The following AP2M1 variants were observed in gnomAD, a reference collection of about 807,000 sequenced individuals.
The protein encoded by AP2M1 is AP-2 complex subunit mu.
AP2M1 carries 5 observed loss-of-function variants against 54.5 expected under a neutral mutation model. The ratio of observed to expected loss-of-function variants is 0.09; its 90% confidence interval spans 0.05 to 0.19. AP2M1 has a LOEUF of 0.19. Ranked by LOEUF, AP2M1 falls within the 10% of genes least tolerant of loss-of-function variation. The pLI, the probability that AP2M1 is intolerant of heterozygous loss-of-function variation, is 1.00. For missense variants in AP2M1, 178 were observed against 580.2 expected (o/e 0.31, Z 7.12); for synonymous variants, 186 against 208.2 (o/e 0.89, Z 0.92).
chr3:184,182,446 T>G lies in AP2M1; in HGVS notation c.1061+198T>G, dbSNP rs1482336420. The G allele has an allele frequency of 5.2e-5, 32 of 616,246 alleles. No individual in the cohort carries two copies. Among genetic ancestry groups the G allele is most frequent in the South Asian group, 1.7e-4 (8 of 47,958 alleles). The allele number at this position is 616,246 out of a possible 1,614,324, so 38.2% of individuals were successfully genotyped here. ...CATTTGGGTTCATGCACGTGCTTATTTTTTAAGATGCTTTGGCATTTCCCT... is the reference window on the plus strand; with the variant it reads ...CATTTGGGTTCATGCACGTGCTTATGTTTTAAGATGCTTTGGCATTTCCCT... On this transcript the variant is annotated intron_variant, in intron 10 of 11. Transcript: ENST00000292807. The surrounding 1 kb of genome is among the most constrained non-coding windows in gnomAD (Gnocchi z 5.5).
chr3:184,179,682 A>G (rs1403844329), intron 3 of AP2M1, among the ~76,000 whole-genome samples: 2 of 126,444 alleles, frequency 1.6e-5, no homozygotes, highest in Non-Finnish European at 3.5e-5. Context: ...TTTTTTTGAG[A>G]CAGGGTCTTG....
intron 3 of AP2M1, among the ~76,000 whole-genome samples, chr3:184,179,858 G>A (rs920281359): frequency 1.3e-5 from 2 of 151,956 alleles, no homozygotes; most frequent in East Asian, 1.9e-4. Context: ...GCTGGGTCTC[G>A]CTATGTTGCC....
rs552907725 is a variant in AP2M1, at chr3:184,175,124, G to A, written c.-44+165G>A. The stretch of plus-strand genomic sequence containing the variant: ...AGCTAGCTGACGGTGGGGCGGGGGC[G>A]CCCGGGGCGCGATTGCAGGGCTGGC... On this transcript the variant is annotated intron_variant, in intron 1 of 11. Coordinates refer to ENST00000292807, the MANE Select transcript of AP2M1 (RefSeq NM_004068.4). The A allele has an allele frequency of 1.0e-5, 4 of 395,654 alleles. No individual in the cohort carries two copies. The South Asian group carries it at 4.1e-4, about 41-fold the overall frequency. The allele number at this position is 395,654 out of a possible 1,614,324, so 24.5% of individuals were successfully genotyped here.
Position 184,181,646 on chromosome 3 carries a change from C to T in AP2M1, c.708-50C>T, listed in dbSNP as rs908158889. The T allele has an allele frequency of 1.9e-6, 3 of 1,603,752 alleles. No homozygotes were observed. In the African/African-American group the frequency reaches 4.0e-5, roughly 21 times the overall value. ...GGGGTGGAGTGGTCTCCCAGCATGA[C>T]AGCTGTCATTCTCCTGTACCAATGA... On this transcript the variant is annotated intron_variant, in intron 7 of 11. Transcript: ENST00000292807. The surrounding 1 kb of genome is among the most constrained non-coding windows in gnomAD (Gnocchi z 5.7).
Position 184,182,955 on chromosome 3 carries a change from G to C in AP2M1, c.1173+87G>C, listed in dbSNP as rs994118879. On this transcript the variant is annotated intron_variant, in intron 11 of 11. Coordinates refer to ENST00000292807, the MANE Select transcript of AP2M1 (RefSeq NM_004068.4). The surrounding 1 kb of genome is among the most constrained non-coding windows in gnomAD (Gnocchi z 5.5). ...TTCCGATAAACTGCTGCACCTTAGA[G>C]GTGAGGAAACTGAGGCCTAGAAAGA... 8.7e-7 allele frequency: 1 copy of C among 1,154,620 alleles called. No homozygotes were observed. Among genetic ancestry groups the C allele is most frequent in the African/African-American group, 1.5e-5 (1 of 65,518 alleles). The allele number at this position is 1,154,620 out of a possible 1,614,324, so 71.5% of individuals were successfully genotyped here.
rs1284347376 is a variant in AP2M1 at position 184,178,077 on chromosome 3, C to T, written c.75-780C>T. The T allele has an allele frequency of 9.1e-7, 1 of 1,104,576 alleles. No individual in the cohort carries two copies. Among genetic ancestry groups the T allele is most frequent in the African/African-American group, 1.5e-5 (1 of 64,554 alleles). 68.4% of individuals were successfully genotyped at this position (1,104,576 alleles called of 1,614,324 possible). On this transcript the variant is annotated intron_variant, in intron 2 of 11. Transcript: ENST00000292807. The surrounding 1 kb of genome is among the most constrained non-coding windows in gnomAD (Gnocchi z 4.9). ...AAGCCAAGGCCAGGTCACACGCCGC[C>T]TTGCCTGTCTTGTCTGCTTCTGCCT...
Position 184,183,849 on chromosome 3 carries a change from G to C in AP2M1, c.*233G>C. The C allele has an allele frequency of 4.0e-6, 2 of 502,088 alleles. No homozygotes were observed. The highest frequency in any genetic ancestry group is 7.2e-6 in the Non-Finnish European group (2 of 277,544). The allele number at this position is 502,088 out of a possible 1,614,324, so 31.1% of individuals were successfully genotyped here. On this transcript the variant is annotated 3_prime_UTR_variant, in exon 12 of 12. Transcript: ENST00000292807. This position sits in a 1 kb window ranked among gnomAD's most constrained non-coding sequence, Gnocchi z 5.7. ...CTCCTGCTCTCCCATCCACCTGTCT[G>C]TCCTGGCCTAATGCCAGGCTCTGAG... is the stretch of plus-strand genomic sequence containing the variant.
At position 184,178,839 on chromosome 3, in the gene AP2M1, T is replaced by C. The variant is rs1054162515; in HGVS notation, c.75-18T>C. ...TCACCTGGGTGCTGAGCAGGCCCTA[T>C]GCACTCTTTTCCCTCAGGAGGAACG... is the stretch of plus-strand genomic sequence containing the variant. On this transcript the variant is annotated intron_variant, in intron 2 of 11. Transcript: ENST00000292807. The surrounding 1 kb of genome is among the most constrained non-coding windows in gnomAD (Gnocchi z 4.9). 2.5e-6 allele frequency: 4 copies of C among 1,612,750 alleles called. No individual in the cohort carries two copies. The East Asian group carries it at 6.7e-5, about 27-fold the overall frequency.
In AP2M1 at chr3:184,178,974, G is replaced by T; in HGVS notation, c.192G>T (p.Trp64Cys). 1 of 1,614,158 alleles carries T rather than the reference G, an allele frequency of 6.2e-7. No homozygotes were observed. The highest frequency in any genetic ancestry group is 8.5e-7 in the Non-Finnish European group (1 of 1,180,034). ...TCCACGTTAAGCGGTCCAACATTTGGCTGGCAGCAGTCACCAAGCAGAATG... is the reference window on the plus strand; with the variant it reads ...TCCACGTTAAGCGGTCCAACATTTGTCTGGCAGCAGTCACCAAGCAGAATG... The part of the protein sequence containing the change: ...SFFHVKRSNI[W>C]LAAVTKQNVN... The change falls in exon 3 of 12, where the codon TGG becomes TGT. Residue 64 changes from tryptophan to cysteine, a missense_variant. Coordinates refer to ENST00000292807, the MANE Select transcript of AP2M1 (RefSeq NM_004068.4). This position sits in a 1 kb window ranked among gnomAD's most constrained non-coding sequence, Gnocchi z 4.9.
At position 184,178,287 on chromosome 3, in the gene AP2M1, C is replaced by A; in HGVS notation, c.75-570C>A. On this transcript the variant is annotated intron_variant, in intron 2 of 11. Coordinates refer to ENST00000292807, the MANE Select transcript of AP2M1 (RefSeq NM_004068.4). This position sits in a 1 kb window ranked among gnomAD's most constrained non-coding sequence, Gnocchi z 4.9. ...GTGGGGGCCTGCCCCCATCGTTTTCCTGCATCCTTTTTCATTCCCTCAACT... is the reference window on the plus strand; with the variant it reads ...GTGGGGGCCTGCCCCCATCGTTTTCATGCATCCTTTTTCATTCCCTCAACT... 1 of 1,510,660 alleles carries A rather than the reference C, an allele frequency of 6.6e-7. No homozygotes were observed. The highest frequency in any genetic ancestry group is 8.9e-7 in the Non-Finnish European group (1 of 1,123,642). 93.6% of individuals were successfully genotyped at this position (1,510,660 alleles called of 1,614,324 possible).
chr3:184,183,426 A>G lies in AP2M1; in HGVS notation c.1174-56A>G. 1 of 1,610,196 alleles carries G rather than the reference A, an allele frequency of 6.2e-7. No individual in the cohort carries two copies. Reference sequence around the variant, plus strand: ...GTAGGGCAGGGCAACGGGACTTCCCAGAGGAGAGCGGCTGTAAGAGGAAGG... The same window carrying G: ...GTAGGGCAGGGCAACGGGACTTCCCGGAGGAGAGCGGCTGTAAGAGGAAGG... On this transcript the variant is annotated intron_variant, in intron 11 of 11. Coordinates refer to ENST00000292807, the MANE Select transcript of AP2M1 (RefSeq NM_004068.4). The surrounding 1 kb of genome is among the most constrained non-coding windows in gnomAD (Gnocchi z 5.7).
Position 184,182,098 on chromosome 3 carries a change from G to A in AP2M1, c.963+51G>A, listed in dbSNP as rs1203397158. ...GGAAGAACTTGTCCCTAGGAATAAA[G>A]GTAGCTGATGTCACAGCTTGACAGA... On this transcript the variant is annotated intron_variant, in intron 9 of 11. Transcript: ENST00000292807. This position sits in a 1 kb window ranked among gnomAD's most constrained non-coding sequence, Gnocchi z 5.5. The A allele has an allele frequency of 6.2e-7, 1 of 1,611,422 alleles. No homozygotes were observed. Among genetic ancestry groups the A allele is most frequent in the East Asian group, 2.2e-5 (1 of 44,776 alleles).
At position 184,181,137 on chromosome 3, in the gene AP2M1, G is replaced by C; in HGVS notation, c.618G>C (p.Leu206=). The C allele has an allele frequency of 6.2e-7, 1 of 1,614,194 alleles. No individual in the cohort carries two copies. Among genetic ancestry groups the C allele is most frequent in the East Asian group, 2.2e-5 (1 of 44,880 alleles). The change falls in exon 7 of 12, where the codon CTG becomes CTC. Residue 206 remains leucine, a synonymous_variant. Coordinates refer to ENST00000292807, the MANE Select transcript of AP2M1 (RefSeq NM_004068.4). The surrounding 1 kb of genome is among the most constrained non-coding windows in gnomAD (Gnocchi z 5.7). ...VSGRVVMKSY[L]SGMPECKFGM... Reference sequence around the variant, plus strand: ...GCCGGGTGGTGATGAAGAGCTACCTGAGTGGCATGCCTGAATGCAAGTTTG... The same window carrying C: ...GCCGGGTGGTGATGAAGAGCTACCTCAGTGGCATGCCTGAATGCAAGTTTG...
chr3:184,183,892 G>C lies in AP2M1; in HGVS notation c.*276G>C, dbSNP rs1044995521. The C allele has an allele frequency of 5.1e-6, 2 of 388,506 alleles. No individual in the cohort carries two copies. Among genetic ancestry groups the C allele is most frequent in the Non-Finnish European group, 9.7e-6 (2 of 206,096 alleles). The allele number at this position is 388,506 out of a possible 1,614,324, so 24.1% of individuals were successfully genotyped here. ...GCTCTGAGTTCTGTGACCAAAGCCA[G>C]GTGGGTTCCCTTTCCTTCCCACCCC... On this transcript the variant is annotated 3_prime_UTR_variant, in exon 12 of 12. Coordinates refer to ENST00000292807, the MANE Select transcript of AP2M1 (RefSeq NM_004068.4). This position sits in a 1 kb window ranked among gnomAD's most constrained non-coding sequence, Gnocchi z 5.7.
chr3:184,175,190 A>T (rs1049566351), intron 1 of AP2M1: 9 of 390,270 alleles, frequency 2.3e-5, no homozygotes, highest in African/African-American at 1.9e-4. Context: ...GGCGCCTCCC[A>T]TGAGAGGGAT....
At position 184,180,957 on chromosome 3, in the gene AP2M1, A is replaced by G; in HGVS notation, c.538A>G (p.Ser180Gly). 6.2e-7 allele frequency: 1 copy of G among 1,613,982 alleles called. No individual in the cohort carries two copies. The highest frequency in any genetic ancestry group is 8.5e-7 in the Non-Finnish European group (1 of 1,179,994). Residue 180 changes from serine (S) to glycine (G), a missense_variant, in exon 6 of 12, where the codon AGT becomes GGT. Coordinates refer to ENST00000292807, the MANE Select transcript of AP2M1 (RefSeq NM_004068.4). The surrounding 1 kb of genome is among the most constrained non-coding windows in gnomAD (Gnocchi z 4.9). ...RNELFLDVLESVNLLMSPQGQ... is the reference protein window; with the variant it reads ...RNELFLDVLEGVNLLMSPQGQ... Reference sequence around the variant, plus strand: ...TGAGCTCTTCCTGGATGTGCTGGAGAGTGTGAACCTGCTCATGTCCCCACA... The same window carrying G: ...TGAGCTCTTCCTGGATGTGCTGGAGGGTGTGAACCTGCTCATGTCCCCACA...
chr3:184,180,348 C>T lies in AP2M1; in HGVS notation c.423+97C>T. 7.0e-7 allele frequency: 1 copy of T among 1,431,538 alleles called. No individual in the cohort carries two copies. Among genetic ancestry groups the T allele is most frequent in the Non-Finnish European group, 9.6e-7 (1 of 1,039,390 alleles). 88.7% of individuals were successfully genotyped at this position (1,431,538 alleles called of 1,614,324 possible). ...TGTCTGAGCTGACTCATGAGCCCTC[C>T]CATGACAGGAAGTGCTGGCCTGAGC... On this transcript the variant is annotated intron_variant, in intron 4 of 11. Transcript: ENST00000292807. This position sits in a 1 kb window ranked among gnomAD's most constrained non-coding sequence, Gnocchi z 4.9.
rs15231 is a variant in AP2M1 at position 184,183,998 on chromosome 3, C to T, written c.*382C>T. 1 of 224,330 alleles carries T rather than the reference C, an allele frequency of 4.5e-6. No individual in the cohort carries two copies. Among genetic ancestry groups the T allele is most frequent in the African/African-American group, 2.2e-5 (1 of 45,204 alleles). The allele number at this position is 224,330 out of a possible 1,614,324, so 13.9% of individuals were successfully genotyped here. The stretch of plus-strand genomic sequence containing the variant: ...CAAAGGCCAGTAATGGATCCCCGGC[C>T]TCAGTCCCTACTCTGCTTTGGGATA... On this transcript the variant is annotated 3_prime_UTR_variant, in exon 12 of 12. Transcript: ENST00000292807. This position sits in a 1 kb window ranked among gnomAD's most constrained non-coding sequence, Gnocchi z 5.7.
In AP2M1 at chr3:184,180,559, T is replaced by C; in HGVS notation, c.424-86T>C. 6.2e-7 allele frequency: 1 copy of C among 1,605,634 alleles called. No individual in the cohort carries two copies. The highest frequency in any genetic ancestry group is 1.1e-5 in the South Asian group (1 of 90,518). On this transcript the variant is annotated intron_variant, in intron 4 of 11. Coordinates refer to ENST00000292807, the MANE Select transcript of AP2M1 (RefSeq NM_004068.4). This position sits in a 1 kb window ranked among gnomAD's most constrained non-coding sequence, Gnocchi z 4.9. ...AGGAGCGAGCTTGGGCCCTCTCCTC[T>C]AGGATCCAAGCCTCATAGCTTTCTC... is the stretch of plus-strand genomic sequence containing the variant.
Sources: allele counts gnomAD v4.1 joint callset (sites outside exome capture counted in the v4.1 genomes callset), GRCh38; gene constraint gnomAD v4.1.1; non-coding constraint Gnocchi (gnomAD v3.1); transcripts MANE v1.5; gene names NCBI Gene and HGNC (gene_info 2026-07-23, HGNC 2026-07-21).